Variants in ANKRD44 observed in about 807,000 individuals in gnomAD.
ANKRD44 encodes ankyrin repeat domain 44.
Under a neutral mutation model 116.0 loss-of-function variants are expected in ANKRD44, and 35 were observed. The observed-to-expected ratio is 0.30, with a 90% CI of 0.23 to 0.40. The LOEUF is 0.40. ANKRD44 is among the 10% of genes least tolerant of loss of function. The pLI is 1.00. For missense variants in ANKRD44, 1,014 were observed against 1,242.6 expected, an observed-to-expected ratio of 0.82 and a Z score of 2.77; for synonymous variants, 435 against 461.8, an observed-to-expected ratio of 0.94 and a Z score of 0.74.
At chr2:197,210,900 G>A (rs1190972308) in intron 1 of ANKRD44, among the ~76,000 whole-genome samples, 3 of 152,150 alleles carry the variant, frequency 2.0e-5, no homozygotes, top group Non-Finnish European at 4.4e-5. Context: ...GCTCTGTTTG[G>A]TGGTATTGGA....
chr2:197,139,679 A>G (rs1170965943), intron 3 of ANKRD44, among the ~76,000 whole-genome samples: 1 of 152,040 alleles, frequency 6.6e-6, no homozygotes, highest in Non-Finnish European at 1.5e-5. Flanking sequence ...GCAAAATATT[A>G]AGAGTTCCTA....
intron 9 of ANKRD44, among the ~76,000 whole-genome samples, chr2:197,107,239 G>A (rs2078452820): frequency 6.6e-6 from 1 of 152,174 alleles, no homozygotes; most frequent in East Asian, 1.9e-4. Flanking sequence ...ATCTCACATT[G>A]ACTCATCCTA....
At chr2:197,094,279 T>C (rs1001680351) in intron 10 of ANKRD44, among the ~76,000 whole-genome samples, 2 of 152,286 alleles carry the variant, frequency 1.3e-5, no homozygotes, top group East Asian at 1.9e-4. Context: ...CTACTTCACC[T>C]TTGGCAAGTG....
downstream of ANKRD44, among the ~76,000 whole-genome samples, chr2:196,983,483 A>C (rs2075817130): frequency 6.6e-6 from 1 of 152,132 alleles, no homozygotes; most frequent in Non-Finnish European, 1.5e-5. Context: ...CTCTCCTCTG[A>C]TCTTTGCATA....
At chr2:197,119,968 C>A (rs1043046610) in intron 8 of ANKRD44, among the ~76,000 whole-genome samples, 1 of 152,172 alleles carries the variant, frequency 6.6e-6, no homozygotes, top group Non-Finnish European at 1.5e-5. Context: ...CCCCTCTTTG[C>A]TCATGCTGTT....
chr2:197,143,091 T>C lies in ANKRD44; in HGVS notation c.190+3936A>G, dbSNP rs190505302. On this transcript the variant is annotated intron_variant, in intron 3 of 27. Coordinates refer to ENST00000282272, the MANE Select transcript of ANKRD44 (RefSeq NM_001195144.2). ...GCATTAGAGAGTACTTCCAGTTTTCTTCTTTCAACCCAGAACCCTATAATC... is the reference window on the plus strand; with the variant it reads ...GCATTAGAGAGTACTTCCAGTTTTCCTCTTTCAACCCAGAACCCTATAATC... Among the ~76,000 whole-genome samples, 279 of 150,716 alleles carry C rather than the reference T, an allele frequency of 1.9e-3. 1 individual carries two copies. The highest frequency in any genetic ancestry group is 6.6e-3 in the African/African-American group (275 of 41,430).
At chr2:197,197,314 T>C (rs1372264182) in intron 1 of ANKRD44, among the ~76,000 whole-genome samples, 1 of 151,836 alleles carries the variant, frequency 6.6e-6, no homozygotes, top group Non-Finnish European at 1.5e-5. Flanking sequence ...AATGGGAAAT[T>C]CTGCAAAAAA....
At chr2:197,024,589 T>C (rs1165941117) in intron 17 of ANKRD44, among the ~76,000 whole-genome samples, 1 of 152,220 alleles carries the variant, frequency 6.6e-6, no homozygotes, top group Non-Finnish European at 1.5e-5. Context: ...TTGCCTTCAA[T>C]TACTGGGATG....
chr2:196,998,910 C>G lies in ANKRD44; in HGVS notation c.2662G>C (p.Val888Leu), dbSNP rs778992672. Reference sequence around the variant, plus strand: ...AGTCCATACAACAAGCACATACCCACAGCGCCTGCCTGCCCATTCTCAGCA... The same window carrying G: ...AGTCCATACAACAAGCACATACCCAGAGCGCCTGCCTGCCCATTCTCAGCA... ...MAAENGQAGA[V>L]DILVNSAQAD... is the part of the protein sequence containing the mutation. Residue 888 changes from valine to leucine, a missense_variant, in exon 24 of 28, where the codon GTG becomes CTG. By Grantham distance (32) the Val-to-Leu change is conservative (BLOSUM62 1). Coordinates refer to ENST00000282272, the MANE Select transcript of ANKRD44 (RefSeq NM_001195144.2). 6.2e-7 allele frequency: 1 copy of G among 1,613,836 alleles called. No homozygotes were observed. The highest frequency in any genetic ancestry group is 1.1e-5 in the South Asian group (1 of 91,040).
At chr2:196,984,457 A>ACTT (rs1285386647), downstream of ANKRD44, among the ~76,000 whole-genome samples, 1 of 152,214 alleles carries the variant, frequency 6.6e-6, no homozygotes, top group East Asian at 1.9e-4. Flanking sequence ...TTCATATAGT[A>ACTT]CTTTTACCCA....
At chr2:197,041,460 A>G (rs1461340295) in intron 16 of ANKRD44, among the ~76,000 whole-genome samples, 10 of 152,090 alleles carry the variant, frequency 6.6e-5, no homozygotes, top group South Asian at 2.1e-4. Context: ...TCAAGCATCA[A>G]CTATGGTCTT....
chr2:197,060,694 G>C (rs1015174084), intron 16 of ANKRD44, among the ~76,000 whole-genome samples: 2 of 151,952 alleles, frequency 1.3e-5, no homozygotes, highest in East Asian at 1.9e-4. Context: ...TTTCCCCCTA[G>C]ACCTCAGCTC....
chr2:197,131,424 C>A (rs370822593), intron 4 of ANKRD44, among the ~76,000 whole-genome samples: 1 of 152,056 alleles, frequency 6.6e-6, no homozygotes, highest in South Asian at 2.1e-4. Flanking sequence ...ATCTCCTGAC[C>A]TCGTGATCCG....
chr2:197,024,749 A>C (rs1300996096), intron 17 of ANKRD44, among the ~76,000 whole-genome samples: 1 of 152,218 alleles, frequency 6.6e-6, no homozygotes, highest in Non-Finnish European at 1.5e-5. Flanking sequence ...GCATGTGCTC[A>C]TCTTGCTCTC....
intron 2 of ANKRD44, among the ~76,000 whole-genome samples, chr2:197,182,775 G>T (rs1484832222): frequency 6.6e-6 from 1 of 152,164 alleles, no homozygotes; most frequent in Non-Finnish European, 1.5e-5. Flanking sequence ...TTTTCATCCT[G>T]CCTTTGGTTG....
intron 1 of ANKRD44, among the ~76,000 whole-genome samples, chr2:197,200,357 GA>G (rs1251928329): frequency 2.0e-5 from 3 of 152,032 alleles, no homozygotes; most frequent in African/African-American, 4.8e-5. Context: ...ATGGAGGAAG[GA>G]AAAAAATGTA....
chr2:197,108,385 T>C (rs571201808), intron 9 of ANKRD44, among the ~76,000 whole-genome samples: 4 of 152,324 alleles, frequency 2.6e-5, no homozygotes, highest in East Asian at 3.9e-4. Flanking sequence ...ATAGGCTACA[T>C]ATTATAGCCA....
chr2:197,186,318 T>C (rs114189054), intron 2 of ANKRD44, among the ~76,000 whole-genome samples: 108 of 152,276 alleles, frequency 7.1e-4, no homozygotes, highest in African/African-American at 2.6e-3. Context: ...AGTAGCAACA[T>C]CAGTAACTGT....
chr2:196,967,909 G>GTT (rs2075685471), intron 21 of ANKRD44, among the ~76,000 whole-genome samples: 1 of 94,098 alleles, frequency 1.1e-5, no homozygotes, highest in African/African-American at 3.1e-5. Context: ...CTCATGGCTT[G>GTT]GCACTCTCTC....
Sources: allele counts gnomAD v4.1 joint callset (sites outside exome capture counted in the v4.1 genomes callset), GRCh38; gene constraint gnomAD v4.1.1; transcripts MANE v1.5; gene names NCBI Gene and HGNC (gene_info 2026-07-23, HGNC 2026-07-21).